The following CNTNAP2 variants were observed in gnomAD, a reference collection of about 807,000 sequenced individuals.
CNTNAP2 encodes the protein contactin-associated protein-like 2.
Under a neutral mutation model 155.2 loss-of-function variants are expected in CNTNAP2, and 98 were observed. The ratio of observed to expected loss-of-function variants is 0.63; its 90% CI spans 0.54 to 0.75. The LOEUF (loss-of-function observed/expected upper bound fraction) is 0.75, where lower values mean the gene tolerates loss of function less well. Ranked by LOEUF, CNTNAP2 falls within the 30% of genes least tolerant of loss-of-function variation. CNTNAP2 has a pLI of 0.00. For missense variants in CNTNAP2, 1,727 were observed against 1,688.1 expected (o/e 1.02, Z -0.40); for synonymous variants, 651 against 631.2 (o/e 1.03, Z -0.47).
At chr7:148,100,793 G>A (rs1451423637) in intron 15 of CNTNAP2, among the ~76,000 whole-genome samples, 1 of 151,986 alleles carries the variant, frequency 6.6e-6, no homozygotes, top group Non-Finnish European at 1.5e-5. Context: ...TATACCCAAA[G>A]GATTATAAAT....
At chr7:147,315,929 T>G (rs1198239944) in intron 9 of CNTNAP2, among the ~76,000 whole-genome samples, 1 of 152,094 alleles carries the variant, frequency 6.6e-6, no homozygotes, top group African/African-American at 2.4e-5. Flanking sequence ...CCAAATATTT[T>G]TACATATATG....
intron 10 of CNTNAP2, among the ~76,000 whole-genome samples, chr7:147,476,309 G>A (rs1285640295): frequency 6.6e-6 from 1 of 151,890 alleles, no homozygotes; most frequent in African/African-American, 2.4e-5. Context: ...GTTTCACCGT[G>A]TTAACCAGGA....
At chr7:146,628,287 T>G (rs978282001) in intron 1 of CNTNAP2, among the ~76,000 whole-genome samples, 1 of 152,140 alleles carries the variant, frequency 6.6e-6, no homozygotes, top group Admixed American at 6.6e-5. Flanking sequence ...CCAACAAAAT[T>G]TTAGAGCACC....
At chr7:146,272,666 G>T (rs1800100554) in intron 1 of CNTNAP2, among the ~76,000 whole-genome samples, 1 of 152,054 alleles carries the variant, frequency 6.6e-6, no homozygotes, top group African/African-American at 2.4e-5. Context: ...GTGTGTGTGT[G>T]TGTATGTGCA....
chr7:147,097,366 A>G (rs755516255), intron 4 of CNTNAP2: 1 of 152,250 alleles, frequency 6.6e-6, no homozygotes, highest in Non-Finnish European at 1.5e-5. Flanking sequence ...GTTGGTTTTC[A>G]TGCTGCTGAT....
intron 23 of CNTNAP2, among the ~76,000 whole-genome samples, chr7:148,409,830 T>TTTCTTGAAC (rs1563077690): frequency 5.4e-4 from 51 of 94,244 alleles, no homozygotes; most frequent in East Asian, 1.5e-3. Flanking sequence ...GGCGGGCGGA[T>TTTCTTGAAC]CACAAGGTCA....
intron 1 of CNTNAP2, among the ~76,000 whole-genome samples, chr7:146,418,040 C>G (rs1337076806): frequency 6.6e-6 from 1 of 152,184 alleles, no homozygotes; most frequent in Non-Finnish European, 1.5e-5. Context: ...CATGTGAAAT[C>G]ACACAAACAC....
intron 18 of CNTNAP2, among the ~76,000 whole-genome samples, chr7:148,215,799 G>T (rs560052138): frequency 1.3e-5 from 2 of 152,104 alleles, no homozygotes; most frequent in Admixed American, 1.3e-4. Flanking sequence ...AAGTTAACAC[G>T]GCTGCTACAG....
chr7:147,475,881 C>T (rs1474904398), intron 10 of CNTNAP2, among the ~76,000 whole-genome samples: 2 of 152,156 alleles, frequency 1.3e-5, no homozygotes, highest in East Asian at 3.8e-4. Flanking sequence ...GCACTTTCTC[C>T]ACTGACTTAA....
At chr7:146,363,274 G>A (rs780780205) in intron 1 of CNTNAP2, among the ~76,000 whole-genome samples, 1 of 152,178 alleles carries the variant, frequency 6.6e-6, no homozygotes, top group Non-Finnish European at 1.5e-5. Flanking sequence ...TCAAGGCTGG[G>A]CAGTCACTTA....
At chr7:147,267,175 C>T (rs967887243) in intron 8 of CNTNAP2, among the ~76,000 whole-genome samples, 7 of 152,134 alleles carry the variant, frequency 4.6e-5, no homozygotes, top group African/African-American at 1.7e-4. Flanking sequence ...TATGATAGTC[C>T]AAATTAAATG....
intron 1 of CNTNAP2, among the ~76,000 whole-genome samples, chr7:146,601,622 A>C (rs894078823): frequency 6.6e-6 from 1 of 152,136 alleles, no homozygotes; most frequent in Non-Finnish European, 1.5e-5. Context: ...TTTAGAGTTT[A>C]TATGATAAAA....
intron 10 of CNTNAP2, among the ~76,000 whole-genome samples, chr7:147,483,559 G>C (rs1252368225): frequency 6.6e-6 from 1 of 152,046 alleles, no homozygotes; most frequent in Non-Finnish European, 1.5e-5. Flanking sequence ...CTGCTACTTA[G>C]TACCCTTCTG....
At chr7:146,987,856 G>A (rs1439013610) in intron 3 of CNTNAP2, among the ~76,000 whole-genome samples, 1 of 152,024 alleles carries the variant, frequency 6.6e-6, no homozygotes, top group Non-Finnish European at 1.5e-5. Context: ...CAATAAGGTG[G>A]TTATAACTAT....
chr7:147,248,196 C>T (rs1804109819), intron 8 of CNTNAP2, among the ~76,000 whole-genome samples: 1 of 152,140 alleles, frequency 6.6e-6, no homozygotes, highest in African/African-American at 2.4e-5. Context: ...GTCTGAAACA[C>T]ATTTAAAATA....
chr7:147,309,877 C>T (rs1290204540), intron 9 of CNTNAP2, among the ~76,000 whole-genome samples: 11 of 151,812 alleles, frequency 7.2e-5, no homozygotes, highest in South Asian at 6.2e-4. Flanking sequence ...GCTTTTAATA[C>T]AAAAAAATTT....
chr7:147,772,199 G>T (rs1797480769), intron 13 of CNTNAP2, among the ~76,000 whole-genome samples: 1 of 151,606 alleles, frequency 6.6e-6, no homozygotes, highest in African/African-American at 2.4e-5. Context: ...GCCAAGGCGG[G>T]TGGATCACGA....
At chr7:147,406,211 G>A (rs1797002280) in intron 10 of CNTNAP2, among the ~76,000 whole-genome samples, 2 of 152,144 alleles carry the variant, frequency 1.3e-5, no homozygotes, top group Admixed American at 6.5e-5. Flanking sequence ...AAGGAGAGGA[G>A]AGGAGGGGAG....
intron 1 of CNTNAP2, among the ~76,000 whole-genome samples, chr7:146,358,646 G>A (rs1795038968): frequency 6.6e-6 from 1 of 152,152 alleles, no homozygotes; most frequent in African/African-American, 2.4e-5. Context: ...AAAGATTGTT[G>A]ATTAGAATTC....
Sources: gnomAD v4.1 joint callset for allele counts (sites outside exome capture counted in the v4.1 genomes callset) on GRCh38, gnomAD v4.1.1 for gene constraint, MANE v1.5 for transcripts, NCBI Gene and HGNC (gene_info 2026-07-23, HGNC 2026-07-21) for gene names.